Variants in DPP10 observed in about 807,000 individuals in gnomAD.
The protein encoded by DPP10 is inactive dipeptidyl peptidase 10.
Under a neutral mutation model 120.9 loss-of-function variants are expected in DPP10, and 33 were observed. The ratio of observed to expected loss-of-function variants is 0.27; its 90% CI spans 0.21 to 0.37. The LOEUF (loss-of-function observed/expected upper bound fraction) is 0.37. DPP10 is among the 10% of genes least tolerant of loss of function. The probability of loss-of-function intolerance (pLI) is 1.00; values close to 1 mark genes in which losing one functional copy is unlikely to be tolerated. For missense variants in DPP10, 816 were observed against 942.8 expected (o/e 0.87, Z 1.76); for synonymous variants, 337 against 326.1 (o/e 1.03, Z -0.36).
Position 115,782,335 on chromosome 2 carries a change from A to G in DPP10, c.1484-17A>G, listed in dbSNP as rs75830748. ...GACATCTTTAAAAATATTTATACAC[A>G]TATTTTTAAATTCCAGGTCCAAGGG... is the stretch of plus-strand genomic sequence containing the variant. On this transcript the variant is annotated splice_polypyrimidine_tract_variant and intron_variant, in intron 16 of 25. Transcript: ENST00000410059. 0.1 allele frequency: 164,909 copies of G among 1,600,628 alleles called. 9,517 individuals carry two copies. Among genetic ancestry groups the G allele is most frequent in the Non-Finnish European group, 0.12 (136,456 of 1,168,406 alleles).
At chr2:114,811,917 ATAGGAGAGGCTGTCCGGAGACCT>A (rs1470554349) in intron 1 of DPP10, among the ~76,000 whole-genome samples, 1 of 152,168 alleles carries the variant, frequency 6.6e-6, no homozygotes, top group Non-Finnish European at 1.5e-5. Context: ...AAAGCTCTCA[ATAGGAGAGGCTGTCCGGAGACCT>A]TGTATCTCTG....
At chr2:114,693,629 T>C (rs1257247672) in intron 1 of DPP10, among the ~76,000 whole-genome samples, 1 of 152,016 alleles carries the variant, frequency 6.6e-6, no homozygotes, top group Non-Finnish European at 1.5e-5. Flanking sequence ...TGGCCTGTCT[T>C]GCTAGGTTTG....
At chr2:115,776,881 A>T (rs1338094068) in intron 13 of DPP10, among the ~76,000 whole-genome samples, 3 of 151,954 alleles carry the variant, frequency 2.0e-5, no homozygotes, top group Non-Finnish European at 4.4e-5. Context: ...TTTTAAAGCT[A>T]ACTGTACAGC....
intron 1 of DPP10, among the ~76,000 whole-genome samples, chr2:115,126,071 C>T (rs1481282596): frequency 4.6e-5 from 7 of 152,150 alleles, no homozygotes; most frequent in Non-Finnish European, 1.0e-4. Flanking sequence ...CTAGTCTACA[C>T]CATCATTGCT....
intron 4 of DPP10, among the ~76,000 whole-genome samples, chr2:115,510,037 A>AT (rs1389596909): frequency 1.3e-5 from 2 of 152,032 alleles, no homozygotes; most frequent in Non-Finnish European, 2.9e-5. Flanking sequence ...TTCTTTGCCC[A>AT]TTTTTTATTG....
At chr2:115,549,633 T>C (rs560087520) in intron 5 of DPP10, among the ~76,000 whole-genome samples, 14 of 152,306 alleles carry the variant, frequency 9.2e-5, no homozygotes, top group Non-Finnish European at 1.8e-4. Context: ...GACTCCTATT[T>C]GATCTCTATA....
chr2:115,727,513 A>G (rs1192251398), intron 7 of DPP10, among the ~76,000 whole-genome samples: 2 of 152,160 alleles, frequency 1.3e-5, no homozygotes, highest in Non-Finnish European at 2.9e-5. Context: ...CTCAAAGCCA[A>G]AACAATTTTG....
chr2:115,146,169 T>C (rs2051214885), intron 1 of DPP10, among the ~76,000 whole-genome samples: 1 of 152,142 alleles, frequency 6.6e-6, no homozygotes, highest in Non-Finnish European at 1.5e-5. Context: ...TTTTAACCAC[T>C]ACATACATTT....
intron 1 of DPP10, among the ~76,000 whole-genome samples, chr2:114,850,857 T>C (rs1226351589): frequency 6.6e-6 from 1 of 152,200 alleles, no homozygotes; most frequent in Non-Finnish European, 1.5e-5. Flanking sequence ...ATTTTTTTTT[T>C]CCTGCATGGT....
At chr2:114,560,619 T>C (rs1257737809) in intron 1 of DPP10, among the ~76,000 whole-genome samples, 1 of 152,122 alleles carries the variant, frequency 6.6e-6, no homozygotes, top group Non-Finnish European at 1.5e-5. Context: ...CTTCCCCAGA[T>C]GATGCGTCTG....
At chr2:114,543,117 C>A (rs1479877512) in intron 1 of DPP10, among the ~76,000 whole-genome samples, 1 of 152,150 alleles carries the variant, frequency 6.6e-6, no homozygotes, top group African/African-American at 2.4e-5. Context: ...CTGGAGGAGA[C>A]TATGGTATGT....
chr2:115,127,584 G>A (rs960590597), intron 1 of DPP10, among the ~76,000 whole-genome samples: 2 of 152,092 alleles, frequency 1.3e-5, no homozygotes, highest in African/African-American at 2.4e-5. Context: ...AAATGGACCC[G>A]AATAGCTGTA....
intron 19 of DPP10, among the ~76,000 whole-genome samples, chr2:115,792,864 T>A (rs1375456784): frequency 1.3e-5 from 2 of 152,176 alleles, no homozygotes; most frequent in Non-Finnish European, 2.9e-5. Context: ...TCCCTCAGTA[T>A]GTGATGACCT....
Position 115,640,978 on chromosome 2 carries a change from G to A in DPP10, c.442-48709G>A, listed in dbSNP as rs144567053. ...TCTTTCCATATCTTGTGGAATTCCT[G>A]CTAGGACTAATAAGATAGGAACTGG... On this transcript the variant is annotated intron_variant, in intron 5 of 25. Transcript: ENST00000410059. Among the ~76,000 whole-genome samples, 7 of 152,122 alleles carry A rather than the reference G, an allele frequency of 4.6e-5. No individual in the cohort carries two copies. In the East Asian group the frequency reaches 1.3e-3, roughly 29 times the overall value.
Position 114,617,142 on chromosome 2 carries a change from C to A in DPP10, c.60+174304C>A, listed in dbSNP as rs892113055. 2.6e-5 allele frequency among the ~76,000 whole-genome samples: 4 copies of A among 152,120 alleles called. No homozygotes were observed. In the East Asian group the frequency reaches 7.8e-4, roughly 29 times the overall value. ...AAAAGTGACAAAGGAGTGGAAAAAA[C>A]CATATTACAATGCAATGTGTGATTC... On this transcript the variant is annotated intron_variant, in intron 1 of 25. Transcript: ENST00000410059.
At chr2:115,355,404 G>T (rs928147632) in intron 3 of DPP10, among the ~76,000 whole-genome samples, 1 of 151,728 alleles carries the variant, frequency 6.6e-6, no homozygotes, top group Non-Finnish European at 1.5e-5. Context: ...TTTTGATGGG[G>T]TTGTTTTTTT....
intron 7 of DPP10, among the ~76,000 whole-genome samples, chr2:115,725,480 C>G (rs568394870): frequency 1.3e-5 from 2 of 152,284 alleles, no homozygotes; most frequent in East Asian, 3.9e-4. Flanking sequence ...AATTCTGATT[C>G]CATATTGCTT....
At chr2:114,736,603 G>A (rs989689568) in intron 1 of DPP10, among the ~76,000 whole-genome samples, 2 of 152,148 alleles carry the variant, frequency 1.3e-5, no homozygotes, top group Non-Finnish European at 2.9e-5. Flanking sequence ...TAAATTTTCT[G>A]AAAATAGGCA....
chr2:114,552,673 G>A (rs1017672770), intron 1 of DPP10, among the ~76,000 whole-genome samples: 1 of 151,998 alleles, frequency 6.6e-6, no homozygotes, highest in African/African-American at 2.4e-5. Context: ...AGCCTCCCGA[G>A]TAGCTGGGAT....
Sources: allele counts gnomAD v4.1 joint callset (sites outside exome capture counted in the v4.1 genomes callset), GRCh38; gene constraint gnomAD v4.1.1; transcripts MANE v1.5; gene names NCBI Gene and HGNC (gene_info 2026-07-23, HGNC 2026-07-21).